Variants in AXL observed in about 807,000 individuals in gnomAD.
The protein encoded by AXL is tyrosine-protein kinase receptor UFO.
In AXL, 52 loss-of-function variants were observed where a neutral mutation model predicts 104.5. That is an observed-to-expected ratio of 0.50 (90% CI 0.40 to 0.63). The LOEUF is 0.63. AXL is among the 20% of genes least tolerant of loss of function. The pLI is 0.00. For missense variants in AXL, 1,024 were observed against 1,188.5 expected (o/e 0.86, Z 2.04); for synonymous variants, 455 against 473.7 (o/e 0.96, Z 0.51).
chr19:41,241,543 CA>C (rs11457010), intron 10 of AXL, among the ~76,000 whole-genome samples: 2,996 of 66,948 alleles, frequency 0.045, 57 homozygotes, highest in African/African-American at 0.13. Context: ...GACTCTGTCT[CA>C]AAAAAAAAAA....
intron 17 of AXL, among the ~76,000 whole-genome samples, chr19:41,255,218 AG>A (rs1599743377): frequency 6.6e-6 from 1 of 152,196 alleles, no homozygotes; most frequent in East Asian, 1.9e-4. Flanking sequence ...GGATCTGTGT[AG>A]GGGTAGTTTG....
At chr19:41,220,431 C>A (rs918981920) in intron 1 of AXL, 2 of 561,058 alleles carry the variant, frequency 3.6e-6, no homozygotes, top group East Asian at 6.0e-5. Flanking sequence ...ACGGGATGGA[C>A]GCTAGATCCC....
chr19:41,247,796 G>A (rs1196190288), intron 12 of AXL, among the ~76,000 whole-genome samples: 1 of 152,064 alleles, frequency 6.6e-6, no homozygotes. Flanking sequence ...TGTTGCCCAG[G>A]CTGGTTTTGA....
rs2122290113 is a variant in AXL at position 41,256,588 on chromosome 19, G to A, written c.2173G>A (p.Val725Ile). The change falls in exon 18 of 20, where the codon GTC (valine) becomes ATC (isoleucine). Residue 725 changes from valine to isoleucine, a missense_variant. By Grantham distance (29) the Val-to-Ile change is conservative. Coordinates refer to ENST00000301178, the MANE Select transcript of AXL (RefSeq NM_021913.5). ...TGCCATTGAGAGTCTAGCTGACCGT[G>A]TCTACACCAGCAAGAGCGATGTGGT... ...WIAIESLADR[V>I]YTSKSDVWSF... 1 of 1,613,678 alleles carries A rather than the reference G, an allele frequency of 6.2e-7. No homozygotes were observed.
intron 17 of AXL, among the ~76,000 whole-genome samples, chr19:41,254,611 A>G (rs2034425133): frequency 6.6e-6 from 1 of 151,818 alleles, no homozygotes; most frequent in Non-Finnish European, 1.5e-5. Flanking sequence ...GAGGGAATGG[A>G]ACCACAGAGT....
intron 10 of AXL, among the ~76,000 whole-genome samples, 153 bp from the exon 11 acceptor site, chr19:41,242,730 A>T (rs1384018136): frequency 6.6e-6 from 1 of 152,094 alleles, no homozygotes; most frequent in Non-Finnish European, 1.5e-5. Context: ...AGCCCAGCCC[A>T]TTCAGATATG....
chr19:41,219,243 G>A lies in AXL; in HGVS notation c.-150G>A. ...GTGCTGAGAAGGCGGCTGCTGGGCAGAGCCGGTGGCAAGGGCCTCCCCTGC... is the reference window on the plus strand; with the variant it reads ...GTGCTGAGAAGGCGGCTGCTGGGCAAAGCCGGTGGCAAGGGCCTCCCCTGC... On this transcript the variant is annotated 5_prime_UTR_variant, in exon 1 of 20. Transcript: ENST00000301178. The A allele has an allele frequency of 1.4e-6, 1 of 703,854 alleles. No individual in the cohort carries two copies. Among genetic ancestry groups the A allele is most frequent in the Non-Finnish European group, 2.4e-6 (1 of 422,718 alleles). The allele number at this position is 703,854 out of a possible 1,614,324, so 43.6% of individuals were successfully genotyped here.
intron 6 of AXL, among the ~76,000 whole-genome samples, chr19:41,235,394 A>ATAGG (rs2034062433): frequency 2.6e-5 from 2 of 78,430 alleles, no homozygotes; most frequent in African/African-American, 1.0e-4. Context: ...AGATAGATAG[A>ATAGG]TAGATAGATA....
intron 8 of AXL, 48 bp from the exon 9 acceptor site, chr19:41,239,116 C>A (rs1384785992): frequency 6.2e-7 from 1 of 1,606,204 alleles, no homozygotes; most frequent in Non-Finnish European, 8.5e-7. Flanking sequence ...GAAGGCTTAA[C>A]AGCTGGGGGG....
chr19:41,258,459 C>T (rs2034487267), intron 19 of AXL, among the ~76,000 whole-genome samples: 2 of 152,240 alleles, frequency 1.3e-5, no homozygotes, highest in African/African-American at 4.8e-5. Context: ...CTCGCTCTGT[C>T]GCCCAGGCTG....
At chr19:41,241,591 AAAAG>A (rs1372345960) in intron 10 of AXL, among the ~76,000 whole-genome samples, 1 of 151,596 alleles carries the variant, frequency 6.6e-6, no homozygotes, top group Non-Finnish European at 1.5e-5. Flanking sequence ...AAAGAAAAGA[AAAAG>A]AAAAGAAAAA....
chr19:41,232,204 C>G (rs1367365328), intron 6 of AXL, among the ~76,000 whole-genome samples: 2 of 152,226 alleles, frequency 1.3e-5, no homozygotes, highest in Non-Finnish European at 2.9e-5. Context: ...CCAGTCACCA[C>G]TGGCTCCTCA....
intron 12 of AXL, among the ~76,000 whole-genome samples, chr19:41,244,720 G>T (rs1053411757): frequency 2.0e-5 from 3 of 151,874 alleles, no homozygotes; most frequent in Non-Finnish European, 4.4e-5. Context: ...GGAACTCCTG[G>T]CCTCAAGTGA....
chr19:41,225,007 TG>T (rs2033854088), intron 4 of AXL, among the ~76,000 whole-genome samples: 1 of 152,190 alleles, frequency 6.6e-6, no homozygotes, highest in African/African-American at 2.4e-5. Flanking sequence ...TTTTGTTTTT[TG>T]GGGTTTTTGT....
intron 14 of AXL, among the ~76,000 whole-genome samples, chr19:41,251,604 G>A (rs1232467585): frequency 6.6e-6 from 1 of 151,582 alleles, no homozygotes; most frequent in Admixed American, 6.6e-5. Context: ...GTGCGTGCCT[G>A]TGGTCCCAGC....
At chr19:41,248,878 A>G in intron 14 of AXL, 58 bp downstream of exon 14, 2 of 1,504,440 alleles carry the variant, frequency 1.3e-6, no homozygotes, top group Non-Finnish European at 1.8e-6. Context: ...CCTGAGACAG[A>G]AGAGAGCAAG....
chr19:41,260,807 T>C lies in AXL; in HGVS notation c.*903T>C, dbSNP rs1441182235. ...AATGTAAGATTATAGATTCTAAAGA[T>C]TCTATAGTTCTAGACATGGAGGTTC... On this transcript the variant is annotated 3_prime_UTR_variant, in exon 20 of 20. Coordinates refer to ENST00000301178, the MANE Select transcript of AXL (RefSeq NM_021913.5). 2 of 152,136 alleles carry C rather than the reference T, an allele frequency of 1.3e-5. No individual in the cohort carries two copies. The highest frequency in any genetic ancestry group is 2.9e-5 in the Non-Finnish European group (2 of 68,016). 9.4% of individuals were successfully genotyped at this position (152,136 alleles called of 1,614,324 possible).
rs767300163 is a variant in AXL, at chr19:41,257,549, G to A, written c.2253G>A (p.Pro751=). 8 of 1,614,118 alleles carry A rather than the reference G, an allele frequency of 5.0e-6. No homozygotes were observed. Among genetic ancestry groups the A allele is most frequent in the South Asian group, 4.4e-5 (4 of 91,080 alleles). ...CCACAAGAGGCCAAACCCCATATCC[G>A]GGCGTGGAGAACAGCGAGATTTATG... The part of the protein sequence containing the change: ...EIATRGQTPY[P]GVENSEIYDY... Residue 751 remains proline, a synonymous_variant, in exon 19 of 20, where the codon CCG becomes CCA. Coordinates refer to ENST00000301178, the MANE Select transcript of AXL (RefSeq NM_021913.5).
chr19:41,226,195 C>T (rs2122208717), intron 4 of AXL, among the ~76,000 whole-genome samples: 1 of 152,294 alleles, frequency 6.6e-6, no homozygotes, highest in East Asian at 1.9e-4. Context: ...CCCCCGGTGA[C>T]TCACGCGGGG....
Sources: gnomAD v4.1 joint callset for allele counts (sites outside exome capture counted in the v4.1 genomes callset) on GRCh38, gnomAD v4.1.1 for gene constraint, MANE v1.5 for transcripts, NCBI Gene and HGNC (gene_info 2026-07-23, HGNC 2026-07-21) for gene names.